ARPC2: variants seen among roughly 807,000 people sequenced by gnomAD.
ARPC2 encodes actin-related protein 2/3 complex subunit 2.
ARPC2 carries 4 observed loss-of-function variants against 38.6 expected under a neutral mutation model. The observed-to-expected ratio is 0.10, with a 90% CI of 0.05 to 0.24. The LOEUF (loss-of-function observed/expected upper bound fraction) is 0.24. ARPC2 is among the 10% of genes least tolerant of loss of function. ARPC2 has a pLI of 1.00. For missense variants in ARPC2, 229 were observed against 387.3 expected (o/e 0.59, Z 3.43); for synonymous variants, 125 against 140.8 (o/e 0.89, Z 0.79).
At position 218,238,695 on chromosome 2, in the gene ARPC2, A is replaced by G. The variant is rs754230692; in HGVS notation, c.300A>G (p.Glu100=). The G allele has an allele frequency of 1.9e-6, 3 of 1,613,132 alleles. No homozygotes were observed. The highest frequency in any genetic ancestry group is 2.5e-6 in the Non-Finnish European group (3 of 1,179,804). ...GYNVSLLYDL[E]NLPASKDSIV... The stretch of plus-strand genomic sequence containing the variant: ...ATGTCTCTTTGCTATATGACCTTGA[A>G]AATCTTCCGGCATCCAAGGATTCCA... Residue 100 remains glutamate, a synonymous_variant, in exon 6 of 11, where the codon GAA becomes GAG. Transcript: ENST00000315717.
At chr2:218,217,751 A>C (rs924983289) in intron 2 of ARPC2, among the ~76,000 whole-genome samples, 1 of 152,142 alleles carries the variant, frequency 6.6e-6, no homozygotes, top group African/African-American at 2.4e-5. Flanking sequence ...CAGAGGAGGG[A>C]TGCGGAAGCA....
chr2:218,231,629 G>A (rs780488655), intron 4 of ARPC2, among the ~76,000 whole-genome samples: 1 of 152,104 alleles, frequency 6.6e-6, no homozygotes, highest in African/African-American at 2.4e-5. Context: ...GTGACCTTGA[G>A]CCCCTCCTCT....
intron 3 of ARPC2, among the ~76,000 whole-genome samples, chr2:218,226,299 AAGAG>A (rs376517043): frequency 1.5e-4 from 23 of 150,998 alleles, no homozygotes; most frequent in African/African-American, 2.2e-4. Context: ...CAAAAAAAAA[AAGAG>A]AGAGACAAGA....
intron 7 of ARPC2, among the ~76,000 whole-genome samples, chr2:218,241,929 C>T (rs953123664): frequency 6.6e-6 from 1 of 152,060 alleles, no homozygotes; most frequent in African/African-American, 2.4e-5. Context: ...CTGGATTTTC[C>T]CAAAAAATAA....
rs1044552084 is a variant in ARPC2 at position 218,230,845 on chromosome 2, C to A, written c.222+1995C>A. On this transcript the variant is annotated intron_variant, in intron 4 of 10. Transcript: ENST00000315717. ...CCAGCCTGGACGACATAGTGAGATT[C>A]CACCTCAAAAAAAGGAAAAGATCTA... Among the ~76,000 whole-genome samples, 4 of 151,784 alleles carry A rather than the reference C, an allele frequency of 2.6e-5. No homozygotes were observed. The East Asian group carries it at 7.7e-4, about 29-fold the overall frequency.
chr2:218,252,252 C>G (rs1228598638), intron 10 of ARPC2, among the ~76,000 whole-genome samples: 1 of 152,246 alleles, frequency 6.6e-6, no homozygotes, highest in Non-Finnish European at 1.5e-5. Flanking sequence ...TAAGTCACCT[C>G]GACTTCTTTA....
chr2:218,234,292 A>C, intron 4 of ARPC2, 60 bp from the exon 5 acceptor site: 3 of 1,362,084 alleles, frequency 2.2e-6, no homozygotes, highest in Non-Finnish European at 3.1e-6. Flanking sequence ...TTTAAAAATA[A>C]TGAAATTATC....
rs1290970329 is a variant in ARPC2, at chr2:218,217,325, C to T, written c.-9+71C>T. 82 of 697,538 alleles carry T rather than the reference C, an allele frequency of 1.2e-4. 4 individuals carry two copies. The South Asian group carries it at 1.4e-3, about 12-fold the overall frequency. 43.2% of individuals were successfully genotyped at this position (697,538 alleles called of 1,614,324 possible). A position where few individuals can be genotyped will look rare whatever the true frequency, so the allele number is the denominator to read the frequency against. On this transcript the variant is annotated intron_variant, in intron 1 of 10. Transcript: ENST00000315717. ...AGCGCGTTCGTCTTACCCTTCCCTCCACCCCGGCCCCTCTCCCCTTCTCCC... is the reference window on the plus strand; with the variant it reads ...AGCGCGTTCGTCTTACCCTTCCCTCTACCCCGGCCCCTCTCCCCTTCTCCC...
chr2:218,231,568 G>A (rs1488136764), intron 4 of ARPC2, among the ~76,000 whole-genome samples: 1 of 152,106 alleles, frequency 6.6e-6, no homozygotes, highest in South Asian at 2.1e-4. Context: ...TAAAGAAGTG[G>A]TATATCAGAC....
intron 2 of ARPC2, among the ~76,000 whole-genome samples, chr2:218,217,764 G>C (rs936355372): frequency 2.6e-5 from 4 of 152,214 alleles, no homozygotes; most frequent in African/African-American, 9.7e-5. Flanking sequence ...CGGAAGCAGC[G>C]AGTGGTGAGG....
intron 2 of ARPC2, among the ~76,000 whole-genome samples, chr2:218,225,406 A>G (rs1040538911): frequency 3.9e-5 from 6 of 152,210 alleles, no homozygotes; most frequent in Admixed American, 3.3e-4. Flanking sequence ...AGGAAGAAAG[A>G]AAGATGAGTA....
intron 6 of ARPC2, 179 bp from the exon 7 acceptor site, chr2:218,239,212 T>G: frequency 1.7e-6 from 1 of 602,552 alleles, no homozygotes; most frequent in South Asian, 2.1e-5. Flanking sequence ...CTGCCTCTCT[T>G]AGGGCATTCA....
At chr2:218,230,268 A>G (rs547644338) in intron 4 of ARPC2, among the ~76,000 whole-genome samples, 6 of 143,664 alleles carry the variant, frequency 4.2e-5, no homozygotes, top group African/African-American at 1.6e-4. Flanking sequence ...CACCGTGCCC[A>G]GCCTTTTCTT....
At chr2:218,220,800 T>G (rs2106142250) in intron 2 of ARPC2, among the ~76,000 whole-genome samples, 1 of 152,276 alleles carries the variant, frequency 6.6e-6, no homozygotes, top group South Asian at 2.1e-4. Flanking sequence ...CCAAACAGAT[T>G]GCTTTTTAAT....
At chr2:218,225,061 T>C (rs559089161) in intron 2 of ARPC2, among the ~76,000 whole-genome samples, 4 of 152,336 alleles carry the variant, frequency 2.6e-5, no homozygotes, top group African/African-American at 7.2e-5. Context: ...GGTAAGGCAA[T>C]AGTCTTCATT....
rs1690006423 is a variant in ARPC2, at chr2:218,245,351, C to G, written c.550-69C>G. ...AAAGGTCACACCACATAGAACAAACCCTATAGCTTGAGTTGCCACTCATCT... is the reference window on the plus strand; with the variant it reads ...AAAGGTCACACCACATAGAACAAACGCTATAGCTTGAGTTGCCACTCATCT... On this transcript the variant is annotated intron_variant, in intron 7 of 10. Transcript: ENST00000315717. 2.5e-6 allele frequency: 4 copies of G among 1,603,194 alleles called. No homozygotes were observed. The South Asian group carries it at 4.4e-5, about 18-fold the overall frequency.
intron 3 of ARPC2, chr2:218,227,069 T>G: frequency 2.2e-6 from 1 of 455,902 alleles, no homozygotes; most frequent in Non-Finnish European, 4.4e-6. Context: ...TGGAAGACTT[T>G]TGCAGCTCTG....
At chr2:218,239,570 C>A (rs1037821732) in intron 7 of ARPC2, 86 bp downstream of exon 7, 2 of 1,061,966 alleles carry the variant, frequency 1.9e-6, no homozygotes, top group Non-Finnish European at 2.8e-6. Flanking sequence ...GGAAAGAGAT[C>A]TAGCAACTCT....
intron 3 of ARPC2, among the ~76,000 whole-genome samples, chr2:218,226,816 G>GTT (rs58085729): frequency 2.1e-5 from 3 of 146,094 alleles, no homozygotes; most frequent in Non-Finnish European, 4.5e-5. Context: ...TTTTTGTTGT[G>GTT]TTTTTTTTTT....
Sources: allele counts gnomAD v4.1 joint callset (sites outside exome capture counted in the v4.1 genomes callset), GRCh38; gene constraint gnomAD v4.1.1; transcripts MANE v1.5; gene names NCBI Gene and HGNC (gene_info 2026-07-23, HGNC 2026-07-21).